QTMAN: variants seen among roughly 807,000 people sequenced by gnomAD.
QTMAN encodes the protein queuosine-tRNA mannosyltransferase.
the QTMAN span, chr2:144,208,727 C>A: frequency 1.9e-6 from 3 of 1,613,670 alleles, no homozygotes; most frequent in Admixed American, 1.7e-5. Flanking sequence ...TGAAGAAGAT[C>A]CACCAGCTGT....
At chr2:144,198,496 G>A in the QTMAN span, among the ~76,000 whole-genome samples, 4 of 152,154 alleles carry the variant, frequency 2.6e-5, no homozygotes, top group Non-Finnish European at 5.9e-5. Context: ...TGGAATATAA[G>A]CTTAGCTCTG....
the QTMAN span, among the ~76,000 whole-genome samples, chr2:144,077,666 T>G: frequency 6.6e-6 from 1 of 152,236 alleles, no homozygotes; most frequent in Non-Finnish European, 1.5e-5. Context: ...TATATATGTA[T>G]GTGCCTGTGT....
At chr2:144,203,266 G>A in the QTMAN span, among the ~76,000 whole-genome samples, 3 of 151,694 alleles carry the variant, frequency 2.0e-5, no homozygotes, top group East Asian at 5.8e-4. Context: ...ACAGAAAGAG[G>A]CAGGGACTGA....
the QTMAN span, among the ~76,000 whole-genome samples, chr2:144,100,859 C>CTTTTTTTTTTTT: frequency 3.9e-5 from 3 of 77,920 alleles, no homozygotes; most frequent in Non-Finnish European, 7.2e-5. Flanking sequence ...GTCTTTCTTT[C>CTTTTTTTTTTTT]TTTTTTTTTT....
At chr2:144,196,340 AC>A in the QTMAN span, among the ~76,000 whole-genome samples, 1 of 152,060 alleles carries the variant, frequency 6.6e-6, no homozygotes, top group Non-Finnish European at 1.5e-5. Context: ...AAAAATAATG[AC>A]AAAAACTAAT....
the QTMAN span, among the ~76,000 whole-genome samples, chr2:144,003,636 T>C: frequency 6.6e-6 from 1 of 152,040 alleles, no homozygotes; most frequent in East Asian, 1.9e-4. Context: ...TTGCACACTA[T>C]AATCCTTGAC....
At chr2:143,952,097 T>C in the QTMAN span, 1 of 1,399,648 alleles carries the variant, frequency 7.1e-7, no homozygotes, top group Non-Finnish European at 1.0e-6. Flanking sequence ...AGATACATTT[T>C]TAATGAAACA....
the QTMAN span, chr2:144,208,726 T>A: frequency 1.2e-6 from 2 of 1,613,806 alleles, no homozygotes; most frequent in Non-Finnish European, 1.7e-6. Context: ...TTGAAGAAGA[T>A]CCACCAGCTG....
chr2:144,111,838 C>A, the QTMAN span, among the ~76,000 whole-genome samples: 5 of 152,108 alleles, frequency 3.3e-5, no homozygotes, highest in Non-Finnish European at 5.9e-5. Context: ...TTCAGATGCT[C>A]GGCCTGCTTA....
At chr2:144,120,340 C>T in the QTMAN span, among the ~76,000 whole-genome samples, 1 of 152,150 alleles carries the variant, frequency 6.6e-6, no homozygotes, top group African/African-American at 2.4e-5. Flanking sequence ...GTCCAACTGC[C>T]CCAATATCTG....
At chr2:144,016,982 T>C in the QTMAN span, among the ~76,000 whole-genome samples, 1 of 152,020 alleles carries the variant, frequency 6.6e-6, no homozygotes, top group Admixed American at 6.6e-5. Context: ...AGAAAATGTA[T>C]GTGAACTTTA....
At chr2:144,135,243 T>A in the QTMAN span, among the ~76,000 whole-genome samples, 61 of 152,262 alleles carry the variant, frequency 4.0e-4, no homozygotes, top group African/African-American at 1.3e-3. Flanking sequence ...GAGAATCTTG[T>A]AGGGGGACAG....
At chr2:144,276,524 C>A in the QTMAN span, among the ~76,000 whole-genome samples, 1 of 152,168 alleles carries the variant, frequency 6.6e-6, no homozygotes, top group Non-Finnish European at 1.5e-5. Flanking sequence ...TCCTCTTACA[C>A]GTCAGACCTA....
At chr2:144,191,468 A>T in the QTMAN span, among the ~76,000 whole-genome samples, 1 of 152,200 alleles carries the variant, frequency 6.6e-6, no homozygotes, top group Non-Finnish European at 1.5e-5. Flanking sequence ...TGAATAATGG[A>T]GTATTAGAAA....
chr2:144,002,160 G>A, the QTMAN span, among the ~76,000 whole-genome samples: 1 of 151,926 alleles, frequency 6.6e-6, no homozygotes, highest in East Asian at 1.9e-4. Context: ...ACTTAAGCAT[G>A]TCATTGAAGA....
the QTMAN span, among the ~76,000 whole-genome samples, chr2:143,971,317 T>A: frequency 7.2e-5 from 11 of 152,070 alleles, no homozygotes; most frequent in African/African-American, 2.7e-4. Context: ...TTTAAGTAAT[T>A]GAATGGAGAA....
the QTMAN span, among the ~76,000 whole-genome samples, chr2:144,262,662 A>G: frequency 1.9e-5 from 1 of 53,162 alleles, no homozygotes; most frequent in Non-Finnish European, 3.5e-5. Flanking sequence ...ATGGAATGGG[A>G]GGGGAGATGG....
the QTMAN span, among the ~76,000 whole-genome samples, chr2:144,241,548 A>G: frequency 1.3e-5 from 2 of 152,380 alleles, no homozygotes; most frequent in East Asian, 3.9e-4. Context: ...ATCACAAACT[A>G]GTAAGCAGAA....
the QTMAN span, among the ~76,000 whole-genome samples, chr2:144,014,935 T>C: frequency 1.1e-4 from 17 of 152,310 alleles, no homozygotes; most frequent in Non-Finnish European, 1.9e-4. Flanking sequence ...ACACCACTTA[T>C]GTGATTAGCA....
Sources: allele counts gnomAD v4.1 joint callset (sites outside exome capture counted in the v4.1 genomes callset), GRCh38; gene constraint gnomAD v4.1.1; transcripts MANE v1.5; gene names NCBI Gene and HGNC (gene_info 2026-07-23, HGNC 2026-07-21).